PDGFD: variants seen among roughly 807,000 people sequenced by gnomAD.
PDGFD encodes the protein platelet-derived growth factor D.
Under a neutral mutation model 44.7 loss-of-function variants are expected in PDGFD, and 30 were observed. The observed-to-expected ratio is 0.67, with a 90% CI of 0.50 to 0.91. The LOEUF (loss-of-function observed/expected upper bound fraction) is 0.91. Ranked by LOEUF, PDGFD falls within the 40% of genes least tolerant of loss-of-function variation. PDGFD has a pLI of 0.00. For missense variants in PDGFD, 445 were observed against 457.8 expected (o/e 0.97, Z 0.25); for synonymous variants, 173 against 168.4 (o/e 1.03, Z -0.21).
intron 1 of PDGFD, among the ~76,000 whole-genome samples, chr11:104,157,998 A>C (rs942390211): frequency 6.6e-6 from 1 of 152,216 alleles, no homozygotes; most frequent in Non-Finnish European, 1.5e-5. Context: ...GCTTCAAATC[A>C]TGTTTGCCTT....
chr11:104,068,201 C>T (rs148295042), intron 1 of PDGFD, among the ~76,000 whole-genome samples: 1 of 152,070 alleles, frequency 6.6e-6, no homozygotes, highest in African/African-American at 2.4e-5. Flanking sequence ...TGGTGGAAAT[C>T]GATGTCTCCA....
At chr11:103,988,600 G>A (rs902847206) in intron 3 of PDGFD, among the ~76,000 whole-genome samples, 1 of 152,146 alleles carries the variant, frequency 6.6e-6, no homozygotes, top group East Asian at 1.9e-4. Context: ...AGGATGTTAT[G>A]GATGAGATTC....
intron 1 of PDGFD, among the ~76,000 whole-genome samples, chr11:104,124,074 C>T (rs1436273812): frequency 1.3e-5 from 2 of 151,772 alleles, no homozygotes; most frequent in Admixed American, 6.6e-5. Context: ...AGTGAGATAT[C>T]GATGTAAAAG....
At chr11:104,028,018 G>A (rs532426984) in intron 1 of PDGFD, among the ~76,000 whole-genome samples, 41 of 151,920 alleles carry the variant, frequency 2.7e-4, no homozygotes, top group Non-Finnish European at 5.6e-4. Flanking sequence ...GTGAAACTCC[G>A]TCTCTACTAA....
intron 1 of PDGFD, among the ~76,000 whole-genome samples, chr11:104,115,429 AT>A (rs1161537332): frequency 2.0e-5 from 3 of 151,392 alleles, no homozygotes; most frequent in Non-Finnish European, 3.0e-5. Flanking sequence ...TTTATATACT[AT>A]ATATAATTGA....
chr11:104,102,884 C>A (rs1343764980), intron 1 of PDGFD, among the ~76,000 whole-genome samples: 1 of 152,006 alleles, frequency 6.6e-6, no homozygotes, highest in East Asian at 1.9e-4. Context: ...ACAATGAGAA[C>A]ACATGGACAC....
chr11:103,909,296 A>G lies in PDGFD; in HGVS notation c.*398T>C, dbSNP rs1246179070. Reference sequence around the variant, plus strand: ...AATTTATCTCCTAAATTTTCTAAAGACATGTTTCATATATTTGACCATCCC... The same window carrying G: ...AATTTATCTCCTAAATTTTCTAAAGGCATGTTTCATATATTTGACCATCCC... On this transcript the variant is annotated 3_prime_UTR_variant, in exon 7 of 7. Transcript: ENST00000393158. 1.3e-5 allele frequency: 2 copies of G among 154,456 alleles called. No homozygotes were observed. The highest frequency in any genetic ancestry group is 4.8e-5 in the African/African-American group (2 of 41,608). 9.6% of individuals were successfully genotyped at this position (154,456 alleles called of 1,614,324 possible). A position where few individuals can be genotyped will look rare whatever the true frequency, so the allele number is the denominator to read the frequency against.
At position 103,990,490 on chromosome 11, in the gene PDGFD, G is replaced by A. The variant is rs373993212; in HGVS notation, c.510+5575C>T. ...ATGTTTCTATGTATGCATGTACTTC[G>A]CTGCTTACATGCTTATGATCTATTT... On this transcript the variant is annotated intron_variant, in intron 3 of 6. Transcript: ENST00000393158. Among the ~76,000 whole-genome samples the A allele has an allele frequency of 2.6e-5, 4 of 152,080 alleles. No homozygotes were observed. The East Asian group carries it at 5.8e-4, about 22-fold the overall frequency.
At chr11:103,996,852 G>A (rs1416745809) in intron 2 of PDGFD, among the ~76,000 whole-genome samples, 1 of 152,184 alleles carries the variant, frequency 6.6e-6, no homozygotes, top group East Asian at 1.9e-4. Flanking sequence ...GGAGAGATGT[G>A]TGCTAACCAA....
chr11:104,161,950 A>AGTGTGT (rs3050634), intron 1 of PDGFD, among the ~76,000 whole-genome samples: 7,220 of 148,930 alleles, frequency 0.048, 360 homozygotes, highest in East Asian at 0.12. Context: ...AATCAAAGAG[A>AGTGTGT]GTGTGTGTGT....
At chr11:103,953,838 T>C (rs1181232566) in intron 3 of PDGFD, among the ~76,000 whole-genome samples, 11 of 152,350 alleles carry the variant, frequency 7.2e-5, no homozygotes, top group Non-Finnish European at 7.3e-5. Context: ...GTTCAAAGAC[T>C]GGACTACAAA....
At chr11:104,026,018 AGCTAG>A (rs1860037708) in intron 1 of PDGFD, among the ~76,000 whole-genome samples, 2 of 152,156 alleles carry the variant, frequency 1.3e-5, no homozygotes, top group Non-Finnish European at 2.9e-5. Flanking sequence ...GAAGGGTGGA[AGCTAG>A]GGTAGGAAGG....
intron 1 of PDGFD, among the ~76,000 whole-genome samples, chr11:104,126,614 TTAAGGTCTAG>T (rs1861844941): frequency 6.6e-6 from 1 of 152,068 alleles, no homozygotes; most frequent in Non-Finnish European, 1.5e-5. Flanking sequence ...CTTAAGGAGA[TTAAGGTCTAG>T]TAAGAGAGGA....
chr11:104,091,885 C>G (rs776980232), intron 1 of PDGFD, among the ~76,000 whole-genome samples: 7 of 152,056 alleles, frequency 4.6e-5, no homozygotes, highest in Non-Finnish European at 1.0e-4. Flanking sequence ...TCATATCTAT[C>G]AGAATAGAAA....
chr11:103,940,573 C>A (rs899424775), intron 5 of PDGFD, among the ~76,000 whole-genome samples: 2 of 152,086 alleles, frequency 1.3e-5, no homozygotes, highest in Non-Finnish European at 2.9e-5. Context: ...TCACTGCTCC[C>A]CTCCTCATAC....
At chr11:104,037,226 C>T in intron 1 of PDGFD, 1 of 1,613,674 alleles carries the variant, frequency 6.2e-7, no homozygotes, top group South Asian at 1.1e-5. Context: ...GAGAAGGTGG[C>T]CGGCCTGCAA....
intron 5 of PDGFD, among the ~76,000 whole-genome samples, chr11:103,935,339 C>T (rs2134316688): frequency 6.6e-6 from 1 of 152,082 alleles, no homozygotes; most frequent in African/African-American, 2.4e-5. Context: ...ATGTGTGTGC[C>T]CTCATAGACA....
chr11:103,966,119 C>T (rs1261574785), intron 3 of PDGFD, among the ~76,000 whole-genome samples: 1 of 152,174 alleles, frequency 6.6e-6, no homozygotes, highest in Non-Finnish European at 1.5e-5. Flanking sequence ...AGGCAAAAAA[C>T]ATCTAATTAG....
chr11:103,997,571 C>G (rs549034098), intron 2 of PDGFD, among the ~76,000 whole-genome samples: 1 of 152,210 alleles, frequency 6.6e-6, no homozygotes, highest in East Asian at 1.9e-4. Context: ...AAATTAATCA[C>G]TTAATGTTTA....
Sources: allele counts gnomAD v4.1 joint callset (sites outside exome capture counted in the v4.1 genomes callset), GRCh38; gene constraint gnomAD v4.1.1; transcripts MANE v1.5; gene names NCBI Gene and HGNC (gene_info 2026-07-23, HGNC 2026-07-21).